Variants in PTK2 observed in about 807,000 individuals in gnomAD.
PTK2 encodes protein tyrosine kinase 2.
Under a neutral mutation model 150.1 loss-of-function variants are expected in PTK2, and 45 were observed. The observed-to-expected ratio is 0.30, with a 90% confidence interval of 0.24 to 0.38. PTK2 has a LOEUF of 0.38. PTK2 is among the 10% of genes least tolerant of loss of function. The pLI is 1.00. For missense variants in PTK2, 919 were observed against 1,307.3 expected, an observed-to-expected ratio of 0.70 and a Z score of 4.58; for synonymous variants, 432 against 449.2, an observed-to-expected ratio of 0.96 and a Z score of 0.48.
intron 27 of PTK2, among the ~76,000 whole-genome samples, chr8:140,677,470 C>T (rs989552646): frequency 6.6e-6 from 1 of 152,212 alleles, no homozygotes; most frequent in Admixed American, 6.6e-5. Flanking sequence ...CTTTCTGAGG[C>T]TAACTACCTG....
Position 140,792,801 on chromosome 8 carries a change from C to T in PTK2, c.1124+553G>A, listed in dbSNP as rs545371988. Among the ~76,000 whole-genome samples the T allele has an allele frequency of 6.6e-5, 10 of 152,300 alleles. 2 individuals are homozygous for T. The highest frequency in any genetic ancestry group is 2.4e-4 in the African/African-American group (10 of 41,564). On this transcript the variant is annotated intron_variant, in intron 13 of 31. Coordinates refer to ENST00000522684, the Ensembl canonical transcript of PTK2. The stretch of plus-strand genomic sequence containing the variant: ...GTGTAAATATCTCTGAAAGCACTTA[C>T]CACACAGCTATAACTGTGTGTTTAC...
rs57931737 is a variant in PTK2, at chr8:140,927,958, G to GA, written c.-121-2210dup. 4.2e-3 allele frequency among the ~76,000 whole-genome samples: 269 copies of GA among 63,666 alleles called. 7 individuals are homozygous for GA. The highest frequency in any genetic ancestry group is 0.015 in the African/African-American group (237 of 15,332). 41.8% of individuals were successfully genotyped at this position (63,666 alleles called of 152,430 possible). ...TCAAAAAGAAAAAAAAAAAAAAAAA[G>GA]AAAAAAAAAAAAAAAAAATATATAT... On this transcript the variant is annotated intron_variant, in intron 1 of 31. Coordinates refer to ENST00000522684, the Ensembl canonical transcript of PTK2.
chr8:140,855,672 C>T (rs2100132131), intron 5 of PTK2, among the ~76,000 whole-genome samples: 2 of 151,956 alleles, frequency 1.3e-5, no homozygotes, highest in African/African-American at 4.8e-5. Context: ...AAAATACTAG[C>T]AAAACATAAC....
At chr8:140,735,425 C>G in exon 22 of PTK2, 2 of 1,614,136 alleles carry the variant, frequency 1.2e-6, no homozygotes, top group Non-Finnish European at 1.7e-6. Flanking sequence ...AGGCTTCACA[C>G]CATGCATCAG....
intron 1 of PTK2, among the ~76,000 whole-genome samples, chr8:140,987,238 T>G (rs1184933316): frequency 5.3e-5 from 8 of 152,198 alleles, no homozygotes; most frequent in African/African-American, 1.9e-4. Flanking sequence ...TGGAGTGCAG[T>G]GACACAATCT....
At chr8:140,773,468 A>C (rs2100076699) in intron 14 of PTK2, among the ~76,000 whole-genome samples, 1 of 152,230 alleles carries the variant, frequency 6.6e-6, no homozygotes, top group Non-Finnish European at 1.5e-5. Context: ...TACCATTTTA[A>C]ATATGGTGAT....
At chr8:140,694,528 C>G (rs552153775) in intron 26 of PTK2, among the ~76,000 whole-genome samples, 8 of 152,096 alleles carry the variant, frequency 5.3e-5, no homozygotes, top group Non-Finnish European at 1.2e-4. Flanking sequence ...GTCTGAGAAG[C>G]CCTGTATTGG....
intron 1 of PTK2, among the ~76,000 whole-genome samples, chr8:140,973,041 T>C (rs975808583): frequency 6.6e-6 from 1 of 152,226 alleles, no homozygotes; most frequent in African/African-American, 2.4e-5. Flanking sequence ...GTGTAGAAAT[T>C]CTAATTTTTC....
intron 26 of PTK2, among the ~76,000 whole-genome samples, chr8:140,694,405 T>A (rs2100025208): frequency 6.6e-6 from 1 of 152,160 alleles, no homozygotes; most frequent in Admixed American, 6.5e-5. Flanking sequence ...GTCAAAAAAG[T>A]CTGGCTTATA....
At chr8:140,956,111 C>A (rs1215045055) in intron 1 of PTK2, among the ~76,000 whole-genome samples, 3 of 152,230 alleles carry the variant, frequency 2.0e-5, no homozygotes, top group Non-Finnish European at 2.9e-5. Flanking sequence ...CCTGCAGGAA[C>A]CTGATACGTC....
chr8:140,703,911 C>T (rs1417500320), intron 24 of PTK2, among the ~76,000 whole-genome samples: 1 of 152,152 alleles, frequency 6.6e-6, no homozygotes. Context: ...ACAGCCAAAA[C>T]CGTATTTCCA....
chr8:140,720,317 T>C (rs2100042192), intron 22 of PTK2, among the ~76,000 whole-genome samples: 1 of 152,182 alleles, frequency 6.6e-6, no homozygotes, highest in South Asian at 2.1e-4. Context: ...ACTTAAATAT[T>C]TGCTAAATGA....
chr8:140,830,183 C>A (rs2100114533), intron 8 of PTK2, among the ~76,000 whole-genome samples: 1 of 152,010 alleles, frequency 6.6e-6, no homozygotes, highest in South Asian at 2.1e-4. Flanking sequence ...AATATTTTAG[C>A]CTGTGAAGAC....
chr8:140,958,461 T>C (rs1194186226), intron 1 of PTK2, among the ~76,000 whole-genome samples: 1 of 152,150 alleles, frequency 6.6e-6, no homozygotes, highest in East Asian at 1.9e-4. Context: ...TTTTGAGGAA[T>C]ATGATGTCCT....
chr8:140,838,017 A>T (rs981722283), intron 7 of PTK2, among the ~76,000 whole-genome samples: 2 of 151,934 alleles, frequency 1.3e-5, no homozygotes, highest in African/African-American at 4.8e-5. Context: ...AGCCGAGGTC[A>T]CGCCACTGCA....
At chr8:140,832,846 G>GT (rs1180410949) in intron 7 of PTK2, 8 of 518,758 alleles carry the variant, frequency 1.5e-5, no homozygotes, top group Non-Finnish European at 2.7e-5. Context: ...CGCCCTTCTA[G>GT]TAGGGATTTC....
intron 7 of PTK2, among the ~76,000 whole-genome samples, chr8:140,840,047 G>A (rs900939506): frequency 2.6e-5 from 4 of 152,198 alleles, no homozygotes; most frequent in South Asian, 2.1e-4. Flanking sequence ...CATACCAGAA[G>A]GGTGGTCTGA....
At chr8:140,741,013 G>C (rs1483910193) in intron 20 of PTK2, among the ~76,000 whole-genome samples, 2 of 152,112 alleles carry the variant, frequency 1.3e-5, no homozygotes, top group Non-Finnish European at 2.9e-5. Context: ...GCATGGTGGT[G>C]TGTGCCTGTG....
intron 17 of PTK2, 73 bp downstream of exon 20, chr8:140,752,159 T>C (rs749758666): frequency 9.4e-6 from 12 of 1,270,354 alleles, no homozygotes; most frequent in Non-Finnish European, 1.2e-5. Context: ...ATTTTTCTTA[T>C]TTCTTCAGAG....
Sources: allele counts gnomAD v4.1 joint callset (sites outside exome capture counted in the v4.1 genomes callset), GRCh38; gene constraint gnomAD v4.1.1; transcripts MANE v1.5; gene names NCBI Gene and HGNC (gene_info 2026-07-23, HGNC 2026-07-21).